Variants in DLG2 observed in about 807,000 individuals in gnomAD.
DLG2 encodes discs large MAGUK scaffold protein 2.
A neutral mutation model predicts 132.5 loss-of-function variants in DLG2; 45 were observed. That is an observed-to-expected ratio of 0.34 (90% confidence interval 0.27 to 0.44). The LOEUF (loss-of-function observed/expected upper bound fraction) is 0.44, where lower values mean the gene tolerates loss of function less well. DLG2 is among the 20% of genes least tolerant of loss of function. DLG2 has a pLI of 1.00. For synonymous variants in DLG2, 424 were observed against 419.6 expected (o/e 1.01, Z -0.13); for missense variants, 1,045 against 1,196.9 (o/e 0.87, Z 1.87).
Position 83,575,953 on chromosome 11 carries a change from G to A in DLG2, c.1941-34095C>T, listed in dbSNP as rs116526077. 3.1e-3 allele frequency among the ~76,000 whole-genome samples: 471 copies of A among 151,956 alleles called. 5 individuals carry two copies. Among genetic ancestry groups the A allele is most frequent in the African/African-American group, 0.011 (456 of 41,434 alleles). On this transcript the variant is annotated intron_variant, in intron 19 of 27. Coordinates refer to ENST00000376104, the MANE Select transcript of DLG2 (RefSeq NM_001142699.3). ...GGAGAAAAAAATAACCAATCAAAAC[G>A]AACCCATAACTGACACAAATGTTAG... is the stretch of plus-strand genomic sequence containing the variant.
At chr11:84,229,111 A>G (rs1036594634) in intron 8 of DLG2, among the ~76,000 whole-genome samples, 9 of 152,186 alleles carry the variant, frequency 5.9e-5, no homozygotes, top group African/African-American at 2.2e-4. Flanking sequence ...AAAATGACAA[A>G]GTCCTGTAAG....
At chr11:84,233,808 T>C (rs2097125485) in intron 8 of DLG2, among the ~76,000 whole-genome samples, 1 of 152,154 alleles carries the variant, frequency 6.6e-6, no homozygotes, top group African/African-American at 2.4e-5. Context: ...AAACTTCCAC[T>C]CTCAATCTCA....
At chr11:84,650,873 G>GTGTGTGTATATATA (rs1424393386) in intron 6 of DLG2, among the ~76,000 whole-genome samples, 4 of 124,006 alleles carry the variant, frequency 3.2e-5, no homozygotes, top group African/African-American at 1.3e-4. Context: ...GTGTGTGTGT[G>GTGTGTGTATATATA]TATATATATA....
intron 5 of DLG2, among the ~76,000 whole-genome samples, chr11:85,149,330 T>C (rs1037854720): frequency 6.6e-5 from 10 of 152,224 alleles, no homozygotes; most frequent in African/African-American, 1.7e-4. Flanking sequence ...ATCTATAAAA[T>C]ACTTTGAGCA....
chr11:85,482,583 T>TAGACCTGTGCCTCTAAGGC (rs2153091565), intron 3 of DLG2, among the ~76,000 whole-genome samples: 1 of 152,192 alleles, frequency 6.6e-6, no homozygotes, highest in African/African-American at 2.4e-5. Flanking sequence ...GGCCAGGTCC[T>TAGACCTGTGCCTCTAAGGC]AGACCTGTGC....
chr11:85,499,848 C>T (rs988619799), intron 3 of DLG2, among the ~76,000 whole-genome samples: 2 of 152,160 alleles, frequency 1.3e-5, no homozygotes, highest in Non-Finnish European at 2.9e-5. Flanking sequence ...ACAAAAAACA[C>T]ATGATTATCT....
chr11:84,007,697 A>G (rs576817615), intron 11 of DLG2, among the ~76,000 whole-genome samples: 16 of 151,882 alleles, frequency 1.1e-4, no homozygotes, highest in African/African-American at 3.9e-4. Flanking sequence ...GAGATAATAT[A>G]TGACACAAGC....
At chr11:85,143,482 T>C (rs568893152) in intron 5 of DLG2, among the ~76,000 whole-genome samples, 1 of 151,832 alleles carries the variant, frequency 6.6e-6, no homozygotes, top group South Asian at 2.1e-4. Flanking sequence ...TTTTGCTTGT[T>C]TTGCTTTTGC....
intron 6 of DLG2, among the ~76,000 whole-genome samples, chr11:84,567,855 G>C (rs1440513983): frequency 1.3e-5 from 2 of 152,158 alleles, no homozygotes; most frequent in Non-Finnish European, 1.5e-5. Flanking sequence ...TGAAACACCT[G>C]TGTGGCTCTA....
chr11:84,226,176 A>T (rs988445858), intron 8 of DLG2, among the ~76,000 whole-genome samples: 3 of 152,212 alleles, frequency 2.0e-5, no homozygotes, highest in Non-Finnish European at 4.4e-5. Context: ...CTTCTAACTA[A>T]TTTTTAACCA....
At chr11:84,110,336 C>A (rs1044141401) in intron 9 of DLG2, among the ~76,000 whole-genome samples, 1 of 152,068 alleles carries the variant, frequency 6.6e-6, no homozygotes, top group African/African-American at 2.4e-5. Context: ...GGATGATTGT[C>A]TTACCCTCCC....
rs1018523116 is a variant in DLG2 at position 85,469,919 on chromosome 11, C to G, written c.40+128738G>C. Among the ~76,000 whole-genome samples, 9 of 152,264 alleles carry G rather than the reference C, an allele frequency of 5.9e-5. No homozygotes were observed. In the East Asian group the frequency reaches 7.7e-4, roughly 13 times the overall value. ...CTCATATAATGCCCTTCCTCTATTC[C>G]AAGGCCTCCAGTAGTTTCCCATTTC... On this transcript the variant is annotated intron_variant, in intron 3 of 27. Transcript: ENST00000376104.
At chr11:83,611,046 T>C (rs1215496925) in intron 19 of DLG2, among the ~76,000 whole-genome samples, 2 of 152,168 alleles carry the variant, frequency 1.3e-5, no homozygotes, top group Admixed American at 1.3e-4. Context: ...TCAATACTCA[T>C]GGTCTTTTAT....
chr11:85,340,345 T>C lies in DLG2; in HGVS notation c.41-54980A>G, dbSNP rs900645443. Among the ~76,000 whole-genome samples the C allele has an allele frequency of 2.0e-5, 3 of 152,288 alleles. No individual in the cohort carries two copies. The South Asian group carries it at 6.2e-4, about 32-fold the overall frequency. The stretch of plus-strand genomic sequence containing the variant: ...TGAGTTCATGTCCTTTGCAGGGACA[T>C]GGATGAAGCTGGAAACCATCATTCT... On this transcript the variant is annotated intron_variant, in intron 3 of 27. Coordinates refer to ENST00000376104, the MANE Select transcript of DLG2 (RefSeq NM_001142699.3).
chr11:84,854,896 C>T (rs980257466), intron 6 of DLG2, among the ~76,000 whole-genome samples: 1 of 152,014 alleles, frequency 6.6e-6, no homozygotes, highest in African/African-American at 2.4e-5. Flanking sequence ...AAAATCTTCT[C>T]TCATTGAGAA....
intron 6 of DLG2, among the ~76,000 whole-genome samples, chr11:84,760,155 A>G (rs1180027014): frequency 6.6e-6 from 1 of 152,240 alleles, no homozygotes; most frequent in Non-Finnish European, 1.5e-5. Flanking sequence ...GATTTAGATC[A>G]ATAGTAGCCA....
chr11:83,844,597 T>G (rs953171586), intron 16 of DLG2, among the ~76,000 whole-genome samples: 2 of 148,494 alleles, frequency 1.3e-5, no homozygotes, highest in African/African-American at 4.9e-5. Context: ...TCAAGGCATG[T>G]TTGAATGTCA....
At chr11:85,349,771 A>G (rs1442412205) in intron 3 of DLG2, among the ~76,000 whole-genome samples, 1 of 152,142 alleles carries the variant, frequency 6.6e-6, no homozygotes, top group Non-Finnish European at 1.5e-5. Context: ...ATAGTATTCC[A>G]TGGTGTATAT....
chr11:84,453,129 T>C (rs1052368262), intron 7 of DLG2, among the ~76,000 whole-genome samples: 2 of 151,570 alleles, frequency 1.3e-5, no homozygotes, highest in Non-Finnish European at 3.0e-5. Context: ...CTTGGAGATA[T>C]CTTTTAGACA....
Sources: allele counts gnomAD v4.1 joint callset (sites outside exome capture counted in the v4.1 genomes callset), GRCh38; gene constraint gnomAD v4.1.1; transcripts MANE v1.5; gene names NCBI Gene and HGNC (gene_info 2026-07-23, HGNC 2026-07-21).